The following KIAA0513 variants were observed in gnomAD, a reference collection of about 807,000 sequenced individuals.
KIAA0513 encodes the protein uncharacterized protein KIAA0513.
Under a neutral mutation model 56.5 loss-of-function variants are expected in KIAA0513, and 39 were observed. The ratio of observed to expected loss-of-function variants is 0.69; its 90% CI spans 0.53 to 0.90. The LOEUF (loss-of-function observed/expected upper bound fraction) is 0.90. Ranked by LOEUF, KIAA0513 falls within the 40% of genes least tolerant of loss-of-function variation. The pLI, the probability that KIAA0513 is intolerant of heterozygous loss-of-function variation, is 0.00. For missense variants in KIAA0513, 591 were observed against 535.2 expected (o/e 1.10, Z -1.03); for synonymous variants, 268 against 215.6 (o/e 1.24, Z -2.13).
Position 85,064,980 on chromosome 16 carries a change from C to T in KIAA0513, c.-172-1920C>T, listed in dbSNP as rs537212210. On this transcript the variant is annotated intron_variant, in intron 1 of 12. Coordinates refer to ENST00000683363, the MANE Select transcript of KIAA0513 (RefSeq NM_001388359.1). ...GATAACAGGCGTGAGCCACCGCGCC[C>T]GGCCTATAATTGTATTTCCTCTTGC... Among the ~76,000 whole-genome samples, 182 of 152,194 alleles carry T rather than the reference C, an allele frequency of 1.2e-3. 1 individual carries two copies. The highest frequency in any genetic ancestry group is 3.2e-3 in the Middle Eastern group (1 of 314).
At chr16:85,075,810 G>A (rs1362761405) in intron 4 of KIAA0513, 34 bp from the exon 5 acceptor site, 15 of 1,609,346 alleles carry the variant, frequency 9.3e-6, no homozygotes, top group East Asian at 2.2e-5. Context: ...CAGGTGGAGC[G>A]ATCTTTAGCC....
rs549940532 is a variant in KIAA0513, at chr16:85,073,116, G to T, written c.503+118G>T. 4 of 854,294 alleles carry T rather than the reference G, an allele frequency of 4.7e-6. No individual in the cohort carries two copies. In the African/African-American group the frequency reaches 4.9e-5, roughly 11 times the overall value. 52.9% of individuals were successfully genotyped at this position (854,294 alleles called of 1,614,324 possible). ...TGAACCATATCCACACTAGTCATCA[G>T]GTTGCAGTTGCTCTGCTACGCCCAG... is the stretch of plus-strand genomic sequence containing the variant. On this transcript the variant is annotated intron_variant, in intron 4 of 12. Transcript: ENST00000683363.
At chr16:85,058,197 C>T (rs2073356093) in intron 1 of KIAA0513, among the ~76,000 whole-genome samples, 1 of 152,222 alleles carries the variant, frequency 6.6e-6, no homozygotes, top group Admixed American at 6.5e-5. Flanking sequence ...CCTACTGAGG[C>T]ATCTGGCACT....
rs887113929 is a variant in KIAA0513, at chr16:85,081,912, C to T, written c.980+520C>T. 6.6e-6 allele frequency among the ~76,000 whole-genome samples: 1 copy of T among 152,250 alleles called. No individual in the cohort carries two copies. Among genetic ancestry groups the T allele is most frequent in the African/African-American group, 2.4e-5 (1 of 41,476 alleles). Reference sequence around the variant, plus strand: ...GCAGAGGGGAGGGGCTGGCACCCACCCCACGGGGGCCGATGCCATAGCAAG... The same window carrying T: ...GCAGAGGGGAGGGGCTGGCACCCACTCCACGGGGGCCGATGCCATAGCAAG... On this transcript the variant is annotated intron_variant, in intron 9 of 12. Transcript: ENST00000683363. This position sits in a 1 kb window ranked among gnomAD's most constrained non-coding sequence, Gnocchi z 4.4.
At chr16:85,034,835 TCA>T (rs2073012926) in intron 1 of KIAA0513, among the ~76,000 whole-genome samples, 1 of 152,184 alleles carries the variant, frequency 6.6e-6, no homozygotes, top group South Asian at 2.1e-4. Flanking sequence ...CATGGCTCCA[TCA>T]CACAGTGTGT....
intron 1 of KIAA0513, among the ~76,000 whole-genome samples, chr16:85,041,845 G>T (rs1047859133): frequency 3.3e-5 from 5 of 152,126 alleles, no homozygotes; most frequent in Admixed American, 2.6e-4. Context: ...GGAAACCACC[G>T]CCTGACTTTG....
chr16:85,081,185 A>G lies in KIAA0513; in HGVS notation c.903-130A>G. The G allele has an allele frequency of 1.2e-6, 1 of 813,204 alleles. No individual in the cohort carries two copies. Among genetic ancestry groups the G allele is most frequent in the South Asian group, 1.4e-5 (1 of 69,892 alleles). 50.4% of individuals were successfully genotyped at this position (813,204 alleles called of 1,614,324 possible). A position where few individuals can be genotyped will look rare whatever the true frequency, so the allele number is the denominator to read the frequency against. On this transcript the variant is annotated intron_variant, in intron 8 of 12. Transcript: ENST00000683363. The surrounding 1 kb of genome is among the most constrained non-coding windows in gnomAD (Gnocchi z 4.4). Reference sequence around the variant, plus strand: ...TGCTCAGTTTTTCCTTCTCAGCCCTACCTCTCTGAGACTTCTTAGAAGCTC... The same window carrying G: ...TGCTCAGTTTTTCCTTCTCAGCCCTGCCTCTCTGAGACTTCTTAGAAGCTC...
rs2073851573 is a variant in KIAA0513 at position 85,089,951 on chromosome 16, G to A, written c.*1626G>A. 6.6e-6 allele frequency: 1 copy of A among 152,184 alleles called. No homozygotes were observed. The highest frequency in any genetic ancestry group is 1.9e-4 in the East Asian group (1 of 5,138). The allele number at this position is 152,184 out of a possible 1,614,324, so 9.4% of individuals were successfully genotyped here. ...CCAGACTGCAGAACGGGGGAGCCGG[G>A]GCTCAGGGCCCCTGACTGCATGGTG... On this transcript the variant is annotated 3_prime_UTR_variant, in exon 13 of 13. Transcript: ENST00000683363. The surrounding 1 kb of genome is among the most constrained non-coding windows in gnomAD (Gnocchi z 4.2).
intron 1 of KIAA0513, among the ~76,000 whole-genome samples, chr16:85,056,915 C>T (rs990689763): frequency 2.6e-5 from 4 of 152,102 alleles, no homozygotes; most frequent in African/African-American, 9.7e-5. Context: ...TTGTTGCCCA[C>T]ACTGGTCATG....
chr16:85,041,055 T>G lies in KIAA0513; in HGVS notation c.-173+13197T>G, dbSNP rs980814234. Reference sequence around the variant, plus strand: ...TTTTAATTCTTGTTATATATTAAGGTCCCCTAAATAAGAATTCAGCTCCTG... The same window carrying G: ...TTTTAATTCTTGTTATATATTAAGGGCCCCTAAATAAGAATTCAGCTCCTG... On this transcript the variant is annotated intron_variant, in intron 1 of 12. Coordinates refer to ENST00000683363, the MANE Select transcript of KIAA0513 (RefSeq NM_001388359.1). 4.6e-5 allele frequency among the ~76,000 whole-genome samples: 7 copies of G among 152,152 alleles called. No individual in the cohort carries two copies. The South Asian group carries it at 1.2e-3, about 27-fold the overall frequency.
chr16:85,036,048 C>T (rs1033669403), intron 1 of KIAA0513, among the ~76,000 whole-genome samples: 1 of 151,832 alleles, frequency 6.6e-6, no homozygotes, highest in South Asian at 2.1e-4. Flanking sequence ...CTTCTGGGCT[C>T]AAGCAATCCT....
Position 85,091,768 on chromosome 16 carries a change from G to A in KIAA0513, c.*3443G>A, listed in dbSNP as rs1285100765. 6.6e-6 allele frequency: 1 copy of A among 152,118 alleles called. No homozygotes were observed. Among genetic ancestry groups the A allele is most frequent in the African/African-American group, 2.4e-5 (1 of 41,392 alleles). 9.4% of individuals were successfully genotyped at this position (152,118 alleles called of 1,614,324 possible). On this transcript the variant is annotated 3_prime_UTR_variant, in exon 13 of 13. Transcript: ENST00000683363. Reference sequence around the variant, plus strand: ...GCTTTTCCCTAGGCTGTTCCGCGTGGGTTACCTTATCACCCTGGAGCACTT... The same window carrying A: ...GCTTTTCCCTAGGCTGTTCCGCGTGAGTTACCTTATCACCCTGGAGCACTT...
In KIAA0513 at chr16:85,094,139, A is replaced by G. The variant is rs905660065; in HGVS notation, c.*5814A>G. On this transcript the variant is annotated 3_prime_UTR_variant, in exon 13 of 13. Transcript: ENST00000683363. ...AGATCTCAAAACAGTGCTAAAATCA[A>G]AGGTGTTTGCTGTGAAGAAAAACAT... The G allele has an allele frequency of 6.6e-6, 1 of 152,122 alleles. No individual in the cohort carries two copies. The highest frequency in any genetic ancestry group is 1.5e-5 in the Non-Finnish European group (1 of 68,028). 9.4% of individuals were successfully genotyped at this position (152,122 alleles called of 1,614,324 possible).
intron 1 of KIAA0513, among the ~76,000 whole-genome samples, chr16:85,065,638 C>G (rs571273444): frequency 2.0e-5 from 3 of 152,212 alleles, no homozygotes; most frequent in Non-Finnish European, 4.4e-5. Context: ...GAATTGTCCT[C>G]TGAAGATGCG....
At position 85,070,170 on chromosome 16, in the gene KIAA0513, C is replaced by CA. The variant is rs541754961; in HGVS notation, c.330-1600dup. ...TGGGTGACAAAGGGAGACCCTGTCT[C>CA]AAAAAAAAAAAAAGAAAAAAGAAAG... On this transcript the variant is annotated intron_variant, in intron 2 of 12. Coordinates refer to ENST00000683363, the MANE Select transcript of KIAA0513 (RefSeq NM_001388359.1). Among the ~76,000 whole-genome samples the CA allele has an allele frequency of 8.2e-3, 750 of 91,830 alleles. 15 individuals carry two copies. Among genetic ancestry groups the CA allele is most frequent in the African/African-American group, 0.029 (609 of 21,264 alleles). 60.2% of individuals were successfully genotyped at this position (91,830 alleles called of 152,430 possible).
At chr16:85,034,899 C>A (rs933299875) in intron 1 of KIAA0513, among the ~76,000 whole-genome samples, 1 of 152,206 alleles carries the variant, frequency 6.6e-6, no homozygotes, top group Non-Finnish European at 1.5e-5. Flanking sequence ...GACCTGGGTT[C>A]TTTGCCTCTC....
chr16:85,042,716 G>A (rs2143873193), intron 1 of KIAA0513, among the ~76,000 whole-genome samples: 1 of 152,292 alleles, frequency 6.6e-6, no homozygotes, highest in East Asian at 1.9e-4. Flanking sequence ...TGGTAATGCT[G>A]GGCATTGTGG....
chr16:85,032,409 T>G (rs1255115275), intron 1 of KIAA0513, among the ~76,000 whole-genome samples: 2 of 152,234 alleles, frequency 1.3e-5, no homozygotes, highest in Non-Finnish European at 2.9e-5. Context: ...CTCAGCTCAC[T>G]GCAACCACTG....
chr16:85,043,933 A>G (rs1292642420), intron 1 of KIAA0513, among the ~76,000 whole-genome samples: 2 of 152,126 alleles, frequency 1.3e-5, no homozygotes, highest in African/African-American at 2.4e-5. Flanking sequence ...TCGGGAAGCT[A>G]AGGCAGGAGA....
Sources: allele counts gnomAD v4.1 joint callset (sites outside exome capture counted in the v4.1 genomes callset), GRCh38; gene constraint gnomAD v4.1.1; non-coding constraint Gnocchi (gnomAD v3.1); transcripts MANE v1.5; gene names NCBI Gene and HGNC (gene_info 2026-07-23, HGNC 2026-07-21).